STK33: variants seen among roughly 807,000 people sequenced by gnomAD.
STK33 encodes serine/threonine-protein kinase 33.
A neutral mutation model predicts 58.0 loss-of-function variants in STK33; 52 were observed. That is an observed-to-expected ratio of 0.90 (90% CI 0.72 to 1.13). The LOEUF (loss-of-function observed/expected upper bound fraction) is 1.13. Among genes scored for constraint, STK33 ranks in the 50% most tolerant of loss-of-function variants. The pLI is 0.00. For synonymous variants in STK33, 215 were observed against 200.1 expected (o/e 1.07, Z -0.63); for missense variants, 630 against 604.2 (o/e 1.04, Z -0.45).
chr11:8,560,527 T>C (rs1957049059), intron 1 of STK33, among the ~76,000 whole-genome samples: 1 of 152,192 alleles, frequency 6.6e-6, no homozygotes, highest in African/African-American at 2.4e-5. Flanking sequence ...TTGATTCTTA[T>C]CATGGTGATT....
At chr11:8,358,580 G>T in the STK33 span, among the ~76,000 whole-genome samples, 1 of 152,154 alleles carries the variant, frequency 6.6e-6, no homozygotes, top group Non-Finnish European at 1.5e-5. Context: ...GGTTGTAGAG[G>T]TCATCCAGGT....
chr11:8,375,413 CTT>C, the STK33 span, among the ~76,000 whole-genome samples: 1 of 152,112 alleles, frequency 6.6e-6, no homozygotes, highest in East Asian at 1.9e-4. Flanking sequence ...CAGAAAGAAA[CTT>C]ATTATTGGTG....
chr11:8,418,009 G>T (rs926531111), intron 14 of STK33, among the ~76,000 whole-genome samples: 1 of 152,028 alleles, frequency 6.6e-6, no homozygotes, highest in African/African-American at 2.4e-5. Flanking sequence ...TAATAGAAAA[G>T]ATCTGAAACA....
intron 8 of STK33, among the ~76,000 whole-genome samples, chr11:8,460,663 A>G (rs180792086): frequency 6.6e-6 from 1 of 152,054 alleles, no homozygotes; most frequent in African/African-American, 2.4e-5. Flanking sequence ...AAAACCATAA[A>G]CTCACAAGTC....
chr11:8,491,194 G>GA, intron 1 of STK33, among the ~76,000 whole-genome samples: 1 of 152,210 alleles, frequency 6.6e-6, no homozygotes, highest in African/African-American at 2.4e-5. Flanking sequence ...TAAAAACCTT[G>GA]AAAAAAGATT....
chr11:8,480,765 C>G (rs1949732566), intron 1 of STK33, among the ~76,000 whole-genome samples, 151 bp from the exon 2 acceptor site: 1 of 152,130 alleles, frequency 6.6e-6, no homozygotes, highest in South Asian at 2.1e-4. Flanking sequence ...TCAATAGATT[C>G]TTGAAGAAGT....
At chr11:8,356,414 G>C in the STK33 span, among the ~76,000 whole-genome samples, 1 of 152,164 alleles carries the variant, frequency 6.6e-6, no homozygotes, top group South Asian at 2.1e-4. Flanking sequence ...GCTGACAGGG[G>C]ACCCTGCCCT....
intron 1 of STK33, among the ~76,000 whole-genome samples, chr11:8,506,956 T>C (rs1951908208): frequency 6.6e-6 from 1 of 152,176 alleles, no homozygotes; most frequent in Non-Finnish European, 1.5e-5. Flanking sequence ...TCCTATACAG[T>C]AGATTATACT....
chr11:8,439,965 C>T (rs536022127), intron 12 of STK33, among the ~76,000 whole-genome samples: 1 of 147,594 alleles, frequency 6.8e-6, no homozygotes, highest in Non-Finnish European at 1.5e-5. Flanking sequence ...AAGGACACCC[C>T]TGGCAGCAAC....
Position 8,412,318 on chromosome 11 carries a change from T to C in STK33, c.1344+1177A>G, listed in dbSNP as rs566282379. On this transcript the variant is annotated intron_variant, in intron 15 of 15. Transcript: ENST00000687296. ...AAATACACTCAAGAGCTAAGCATCG[T>C]AGGAGTTAACACACTAGAGAGGAAA... 2.6e-5 allele frequency among the ~76,000 whole-genome samples: 4 copies of C among 152,316 alleles called. No homozygotes were observed. In the East Asian group the frequency reaches 7.7e-4, roughly 29 times the overall value.
At chr11:8,413,727 A>T (rs777721140) in intron 14 of STK33, 35 bp from the exon 15 acceptor site, 17 of 1,586,938 alleles carry the variant, frequency 1.1e-5, no homozygotes, top group Middle Eastern at 1.7e-4. Context: ...TGTTATAAAC[A>T]ACTTAGAGAA....
intron 5 of STK33, 40 bp downstream of exon 5, chr11:8,474,641 A>T (rs1322930154): frequency 1.4e-5 from 21 of 1,467,762 alleles, no homozygotes; most frequent in Non-Finnish European, 2.0e-5. Flanking sequence ...AGGGAACGGG[A>T]TGTCAACTTG....
At chr11:8,451,408 G>A (rs1170889236) in intron 11 of STK33, among the ~76,000 whole-genome samples, 1 of 152,114 alleles carries the variant, frequency 6.6e-6, no homozygotes, top group African/African-American at 2.4e-5. Flanking sequence ...CAATATAGAA[G>A]AGCAGACTAC....
chr11:8,336,941 G>A, the STK33 span, among the ~76,000 whole-genome samples: 2 of 152,252 alleles, frequency 1.3e-5, no homozygotes, highest in Non-Finnish European at 1.5e-5. Flanking sequence ...TGGCTCAGAG[G>A]AGGCCTCCTG....
downstream of STK33, among the ~76,000 whole-genome samples, chr11:8,387,414 A>C (rs1848558930): frequency 6.6e-6 from 1 of 152,222 alleles, no homozygotes; most frequent in African/African-American, 2.4e-5. Flanking sequence ...GACCTTGGAC[A>C]CAAGACCTTG....
intron 1 of STK33, among the ~76,000 whole-genome samples, chr11:8,497,880 C>T (rs1288525320): frequency 6.6e-6 from 1 of 152,144 alleles, no homozygotes; most frequent in Non-Finnish European, 1.5e-5. Context: ...TACAGTGATA[C>T]CAAAACCAGT....
chr11:8,467,885 C>T (rs542330900), intron 6 of STK33, among the ~76,000 whole-genome samples: 17 of 151,866 alleles, frequency 1.1e-4, no homozygotes, highest in Admixed American at 5.9e-4. Flanking sequence ...GTGAAGGTTG[C>T]AGCGAGCTGA....
At chr11:8,508,628 C>A (rs961107848) in intron 1 of STK33, among the ~76,000 whole-genome samples, 1 of 152,140 alleles carries the variant, frequency 6.6e-6, no homozygotes, top group Admixed American at 6.5e-5. Flanking sequence ...TCACAACACC[C>A]CTCATCCCAC....
At chr11:8,541,661 G>A (rs1264774069) in intron 1 of STK33, among the ~76,000 whole-genome samples, 1 of 152,038 alleles carries the variant, frequency 6.6e-6, no homozygotes. Flanking sequence ...TAAATTCGTT[G>A]CTATTTTACT....
Sources: allele counts gnomAD v4.1 joint callset (sites outside exome capture counted in the v4.1 genomes callset), GRCh38; gene constraint gnomAD v4.1.1; transcripts MANE v1.5; gene names NCBI Gene and HGNC (gene_info 2026-07-23, HGNC 2026-07-21).